Variants in VEGFC observed in about 807,000 individuals in gnomAD.
The protein encoded by VEGFC is FLT4 ligand DHM.
VEGFC carries 12 observed loss-of-function variants against 46.1 expected under a neutral mutation model. That is an observed-to-expected ratio of 0.26 (90% CI 0.17 to 0.42). The LOEUF (loss-of-function observed/expected upper bound fraction) is 0.42, where lower values mean the gene tolerates loss of function less well. Ranked by LOEUF, VEGFC falls within the 10% of genes least tolerant of loss-of-function variation. The probability of loss-of-function intolerance (pLI) is 1.00; values close to 1 mark genes in which losing one functional copy is unlikely to be tolerated. For synonymous variants in VEGFC, 232 were observed against 195.5 expected, an observed-to-expected ratio of 1.19 and a Z score of -1.56; for missense variants, 488 against 529.4, an observed-to-expected ratio of 0.92 and a Z score of 0.77.
chr4:176,696,004 A>G (rs1579090476), intron 4 of VEGFC, among the ~76,000 whole-genome samples: 1 of 148,528 alleles, frequency 6.7e-6, no homozygotes, highest in African/African-American at 2.5e-5. Context: ...AGAGCTATCT[A>G]TGACAAACCC....
chr4:176,774,747 C>T (rs1261798996), intron 1 of VEGFC, among the ~76,000 whole-genome samples: 1 of 150,388 alleles, frequency 6.6e-6, no homozygotes, highest in Admixed American at 6.7e-5. Flanking sequence ...CAGCATGGCA[C>T]TTGTATACAT....
chr4:176,791,081 TAAATA>T (rs1020227290), intron 1 of VEGFC, among the ~76,000 whole-genome samples: 3 of 152,172 alleles, frequency 2.0e-5, no homozygotes, highest in Non-Finnish European at 4.4e-5. Context: ...AATATAAATA[TAAATA>T]AAATATTTCA....
intron 4 of VEGFC, among the ~76,000 whole-genome samples, chr4:176,705,500 TG>T (rs1184867339): frequency 6.6e-6 from 1 of 152,158 alleles, no homozygotes; most frequent in Non-Finnish European, 1.5e-5. Flanking sequence ...TAGAAGATAT[TG>T]GGGGGAACAC....
chr4:176,709,041 C>CT (rs757080946), intron 4 of VEGFC, among the ~76,000 whole-genome samples: 2 of 152,176 alleles, frequency 1.3e-5, no homozygotes, highest in Non-Finnish European at 2.9e-5. Context: ...GACTCAGGCT[C>CT]TTTTTGCTGT....
Position 176,729,637 on chromosome 4 carries a change from C to G in VEGFC, c.257G>C (p.Arg86Thr), listed in dbSNP as rs1228296234. 6.2e-7 allele frequency: 1 copy of G among 1,613,840 alleles called. No individual in the cohort carries two copies. Among genetic ancestry groups the G allele is most frequent in the Non-Finnish European group, 8.5e-7 (1 of 1,179,884 alleles). ...TCTGTTATGTTGCCAGCCTCCTTTC[C>G]TTAGCTGACACTTGTACATTTTCCA... ...EYWKMYKCQL[R>T]KGGWQHNREQ... The change falls in exon 2 of 7, where the codon AGG (arginine) becomes ACG (threonine). Residue 86 changes from arginine to threonine, a missense_variant. Arg to Thr is a moderately conservative substitution (Grantham distance 71, BLOSUM62 -1). Coordinates refer to ENST00000618562, the MANE Select transcript of VEGFC (RefSeq NM_005429.5).
At chr4:176,732,582 C>T (rs1227001141) in intron 1 of VEGFC, among the ~76,000 whole-genome samples, 3 of 151,678 alleles carry the variant, frequency 2.0e-5, no homozygotes, top group Non-Finnish European at 4.4e-5. Context: ...AAGAGGATTT[C>T]AAACCCAATT....
Position 176,683,893 on chromosome 4 carries a change from T to C in VEGFC, c.*33A>G, listed in dbSNP as rs185301082. Reference sequence around the variant, plus strand: ...ACTGTGGCAACACAGTTTTCCATAATAGAAAATCGATGAACTGGAAAACAG... The same window carrying C: ...ACTGTGGCAACACAGTTTTCCATAACAGAAAATCGATGAACTGGAAAACAG... On this transcript the variant is annotated 3_prime_UTR_variant, in exon 7 of 7. Coordinates refer to ENST00000618562, the MANE Select transcript of VEGFC (RefSeq NM_005429.5). 6.2e-5 allele frequency: 97 copies of C among 1,564,844 alleles called. No homozygotes were observed. In the East Asian group the frequency reaches 7.8e-4, roughly 13 times the overall value.
intron 1 of VEGFC, among the ~76,000 whole-genome samples, chr4:176,760,963 A>G (rs1735520213): frequency 6.6e-6 from 1 of 152,228 alleles, no homozygotes; most frequent in South Asian, 2.1e-4. Context: ...AAAGAAGTTT[A>G]TGATACTGCA....
intron 1 of VEGFC, among the ~76,000 whole-genome samples, chr4:176,731,019 T>C (rs1358951162): frequency 6.6e-6 from 1 of 152,124 alleles, no homozygotes; most frequent in Non-Finnish European, 1.5e-5. Context: ...CTACCATTTA[T>C]GGTATGATTT....
chr4:176,713,360 G>T (rs982369612), intron 3 of VEGFC, among the ~76,000 whole-genome samples: 2 of 152,074 alleles, frequency 1.3e-5, no homozygotes, highest in Admixed American at 1.3e-4. Context: ...ATTCTGCAGT[G>T]TCTTCATAAG....
intron 1 of VEGFC, among the ~76,000 whole-genome samples, chr4:176,785,837 G>C (rs529270719): frequency 5.9e-4 from 90 of 152,226 alleles, no homozygotes; most frequent in Non-Finnish European, 1.1e-3. Flanking sequence ...TGTGTGTGGG[G>C]GGTTCTGTGT....
intron 6 of VEGFC, among the ~76,000 whole-genome samples, chr4:176,686,856 C>T (rs547107522): frequency 6.6e-6 from 1 of 152,168 alleles, no homozygotes; most frequent in South Asian, 2.1e-4. Context: ...AACAGTTGTC[C>T]TAAATTATGT....
chr4:176,769,312 C>A (rs1474465594), intron 1 of VEGFC, among the ~76,000 whole-genome samples: 1 of 152,138 alleles, frequency 6.6e-6, no homozygotes. Context: ...CCCTGTGTGG[C>A]ATGCGGTGAC....
intron 4 of VEGFC, among the ~76,000 whole-genome samples, chr4:176,694,254 A>C (rs1377689892): frequency 6.6e-6 from 1 of 150,940 alleles, no homozygotes; most frequent in Non-Finnish European, 1.5e-5. Context: ...GCAGAGACAC[A>C]CATAGGCTCA....
intron 1 of VEGFC, among the ~76,000 whole-genome samples, chr4:176,760,922 C>T (rs73872173): frequency 0.046 from 6,940 of 152,192 alleles, 492 homozygotes; most frequent in African/African-American, 0.16. Flanking sequence ...ATGATTGTTT[C>T]GCACATGGCA....
At chr4:176,720,708 G>C (rs1734771682) in intron 3 of VEGFC, among the ~76,000 whole-genome samples, 1 of 151,956 alleles carries the variant, frequency 6.6e-6, no homozygotes, top group Admixed American at 6.6e-5. Flanking sequence ...AGGTGTGGTG[G>C]TGCACACCTG....
At chr4:176,757,091 A>C (rs191463572) in intron 1 of VEGFC, among the ~76,000 whole-genome samples, 1 of 152,242 alleles carries the variant, frequency 6.6e-6, no homozygotes, top group East Asian at 1.9e-4. Context: ...AGAGAACTTA[A>C]ATGTAGACGG....
At chr4:176,691,107 C>T (rs1244617688) in intron 4 of VEGFC, among the ~76,000 whole-genome samples, 1 of 152,162 alleles carries the variant, frequency 6.6e-6, no homozygotes, top group East Asian at 1.9e-4. Flanking sequence ...GCATTTAAAA[C>T]TTCTCAGGCA....
chr4:176,690,322 A>C (rs1228391067), intron 4 of VEGFC, among the ~76,000 whole-genome samples: 1 of 140,718 alleles, frequency 7.1e-6, no homozygotes, highest in Admixed American at 7.0e-5. Context: ...TATCATCAGC[A>C]AGTTTCTTTT....
Sources: gnomAD v4.1 joint callset for allele counts (sites outside exome capture counted in the v4.1 genomes callset) on GRCh38, gnomAD v4.1.1 for gene constraint, MANE v1.5 for transcripts, NCBI Gene and HGNC (gene_info 2026-07-23, HGNC 2026-07-21) for gene names.